Variants in PTP4A1 observed in about 807,000 individuals in gnomAD.
The protein encoded by PTP4A1 is protein tyrosine phosphatase type IVA 1.
A neutral mutation model predicts 20.5 loss-of-function variants in PTP4A1; 9 were observed. That is an observed-to-expected ratio of 0.44 (90% CI 0.26 to 0.77). The LOEUF (loss-of-function observed/expected upper bound fraction) is 0.77, where lower values mean the gene tolerates loss of function less well. PTP4A1 is among the 30% of genes least tolerant of loss of function. The probability of loss-of-function intolerance (pLI) is 0.19; values close to 1 mark genes in which losing one functional copy is unlikely to be tolerated. For synonymous variants in PTP4A1, 78 were observed against 67.4 expected, an observed-to-expected ratio of 1.16 and a Z score of -0.77; for missense variants, 137 against 218.8, an observed-to-expected ratio of 0.63 and a Z score of 2.36.
chr6:63,559,988 G>A (rs576078282), intron 3 of PTP4A1, among the ~76,000 whole-genome samples: 130 of 152,268 alleles, frequency 8.5e-4, no homozygotes, highest in Non-Finnish European at 1.6e-3. Flanking sequence ...ATATAATATT[G>A]TGGAAGATCA....
chr6:63,571,015 T>A (rs953560730), upstream of PTP4A1: 2 of 152,234 alleles, frequency 1.3e-5, no homozygotes, highest in Non-Finnish European at 2.9e-5. Context: ...TTTACTTTTT[T>A]AAATCATTTA....
In PTP4A1 at chr6:63,542,022, G is replaced by GGTGTGTGT. The variant is rs72091849; in HGVS notation, c.-639-8245_-639-8238dup. 5.2e-3 allele frequency among the ~76,000 whole-genome samples: 762 copies of GGTGTGTGT among 146,834 alleles called. 3 individuals carry two copies. Among genetic ancestry groups the GGTGTGTGT allele is most frequent in the East Asian group, 0.018 (92 of 5,002 alleles). ...CTCATTTGGTGGATAAAGAAACTGTGGTGTGTGTGTGTGTGTGTGTGTGTG... is the reference window on the plus strand; with the variant it reads ...CTCATTTGGTGGATAAAGAAACTGTGGTGTGTGTGTGTGTGTGTGTGTGTGTGTGTGTG... On this transcript the variant is annotated intron_variant, in intron 2 of 3. Transcript: ENST00000639568.
chr6:63,539,970 G>C (rs1307009507), intron 2 of PTP4A1, among the ~76,000 whole-genome samples: 1 of 152,178 alleles, frequency 6.6e-6, no homozygotes, highest in African/African-American at 2.4e-5. Flanking sequence ...GGAGGGTTTG[G>C]GGGTGGGAGT....
chr6:63,559,793 G>A (rs1452181141), intron 3 of PTP4A1, among the ~76,000 whole-genome samples: 3 of 151,996 alleles, frequency 2.0e-5, no homozygotes, highest in Non-Finnish European at 2.9e-5. Flanking sequence ...GGTCGTTCAT[G>A]CATATAATAC....
intron 2 of PTP4A1, among the ~76,000 whole-genome samples, chr6:63,540,348 C>CAATG (rs1430772637): frequency 6.6e-6 from 1 of 152,226 alleles, no homozygotes; most frequent in Admixed American, 6.5e-5. Context: ...AATCCAGGCA[C>CAATG]AATGGGTCAC....
chr6:63,525,041 G>A (rs1386736248), intron 1 of PTP4A1, among the ~76,000 whole-genome samples: 6 of 152,214 alleles, frequency 3.9e-5, no homozygotes, highest in Non-Finnish European at 8.8e-5. Flanking sequence ...CAGGGATTTA[G>A]CTTAGACAGA....
intron 3 of PTP4A1, among the ~76,000 whole-genome samples, chr6:63,557,952 C>T (rs539523388): frequency 6.6e-6 from 1 of 151,152 alleles, no homozygotes; most frequent in Non-Finnish European, 1.5e-5. Context: ...TGCAGGGGTG[C>T]GATCTCGGCT....
chr6:63,573,898 T>TG lies in PTP4A1; in HGVS notation c.-446+1180dup, dbSNP rs1338369022. Among the ~76,000 whole-genome samples the TG allele has an allele frequency of 1.6e-4, 25 of 152,186 alleles. 1 individual carries two copies. The highest frequency in any genetic ancestry group is 1.4e-3 in the Admixed American group (22 of 15,286). ...TGGATGGCGCCTTTTAATCGGGGAC[T>TG]GTTTAGAACTATCCCTGAGCTCTGT... is the stretch of plus-strand genomic sequence containing the variant. On this transcript the variant is annotated intron_variant, in intron 1 of 5. Coordinates refer to ENST00000626021, the MANE Select transcript of PTP4A1 (RefSeq NM_003463.5).
intron 2 of PTP4A1, among the ~76,000 whole-genome samples, chr6:63,533,555 T>C (rs1169351079): frequency 6.6e-6 from 1 of 152,238 alleles, no homozygotes; most frequent in African/African-American, 2.4e-5. Context: ...AACTATAGTA[T>C]GCGTTGTTTA....
In PTP4A1 at chr6:63,576,856, T is replaced by C; in HGVS notation, c.-25T>C. ...TTTTTTTAATTATTTCATAACCCTA[T>C]TGAGTGTTTTTTAACTAAATTAACA... On this transcript the variant is annotated 5_prime_UTR_variant, in exon 2 of 6. Coordinates refer to ENST00000626021, the MANE Select transcript of PTP4A1 (RefSeq NM_003463.5). 1 of 1,571,682 alleles carries C rather than the reference T, an allele frequency of 6.4e-7. No individual in the cohort carries two copies. Among genetic ancestry groups the C allele is most frequent in the Non-Finnish European group, 8.7e-7 (1 of 1,146,746 alleles).
upstream of PTP4A1, among the ~76,000 whole-genome samples, chr6:63,518,432 C>T (rs1774809126): frequency 6.6e-6 from 1 of 152,062 alleles, no homozygotes; most frequent in African/African-American, 2.4e-5. Context: ...TTTGGACATC[C>T]CCAGGGCAAA....
At chr6:63,548,025 G>A (rs1304496760) in intron 2 of PTP4A1, among the ~76,000 whole-genome samples, 3 of 151,900 alleles carry the variant, frequency 2.0e-5, no homozygotes, top group Non-Finnish European at 4.4e-5. Context: ...TTCCCTCTAG[G>A]GATTCCCTGT....
chr6:63,577,226 A>ATTTGCTTG (rs1263791222), intron 2 of PTP4A1, among the ~76,000 whole-genome samples: 30 of 152,348 alleles, frequency 2.0e-4, no homozygotes, highest in African/African-American at 7.0e-4. Context: ...TGGACAGTAA[A>ATTTGCTTG]ACAGTATAGC....
rs1357485853 is a variant in PTP4A1, at chr6:63,581,523, G to A, written c.*1349G>A. ...CAAAATGAATTGCACTTCACTTAAT[G>A]TGTGTCCTCATCTTTTTACAAATAA... On this transcript the variant is annotated 3_prime_UTR_variant, in exon 6 of 6. Coordinates refer to ENST00000626021, the MANE Select transcript of PTP4A1 (RefSeq NM_003463.5). 6.6e-6 allele frequency: 1 copy of A among 152,370 alleles called. No homozygotes were observed. The highest frequency in any genetic ancestry group is 1.5e-5 in the Non-Finnish European group (1 of 67,992). 9.4% of individuals were successfully genotyped at this position (152,370 alleles called of 1,614,324 possible).
chr6:63,548,891 C>T (rs903695795), intron 2 of PTP4A1: 102 of 846,474 alleles, frequency 1.2e-4, no homozygotes, highest in Non-Finnish European at 1.8e-4. Flanking sequence ...CTGAGTTAAC[C>T]TGTATGAAGG....
At position 63,532,768 on chromosome 6, in the gene PTP4A1, A is replaced by G. The variant is rs578060808; in HGVS notation, c.-640+4684A>G. Among the ~76,000 whole-genome samples the G allele has an allele frequency of 7.9e-5, 12 of 152,338 alleles. No individual in the cohort carries two copies. The East Asian group carries it at 1.9e-3, about 24-fold the overall frequency. On this transcript the variant is annotated intron_variant, in intron 2 of 3. Transcript: ENST00000639568. ...TTCCAAAAACACATGAGCATGTTCAATCAGTATCTAGGCCCCAAAAGATTG... is the reference window on the plus strand; with the variant it reads ...TTCCAAAAACACATGAGCATGTTCAGTCAGTATCTAGGCCCCAAAAGATTG...
intron 2 of PTP4A1, among the ~76,000 whole-genome samples, chr6:63,534,390 C>T (rs1185889816): frequency 6.6e-6 from 1 of 151,690 alleles, no homozygotes; most frequent in African/African-American, 2.4e-5. Context: ...ACTAGTAAAC[C>T]TGATACATTT....
At position 63,563,963 on chromosome 6, in the gene PTP4A1, G is replaced by A. The variant is rs541655565; in HGVS notation, c.-445-12473G>A. Among the ~76,000 whole-genome samples, 12 of 152,292 alleles carry A rather than the reference G, an allele frequency of 7.9e-5. No homozygotes were observed. In the South Asian group the frequency reaches 2.3e-3, roughly 29 times the overall value. ...ATTTACTATGTGCATTAATATGTCT[G>A]AGGATTAAAGAAATACATTATAGGA... On this transcript the variant is annotated intron_variant, in intron 3 of 3. Transcript: ENST00000639568.
chr6:63,538,538 A>G (rs1775814852), intron 2 of PTP4A1, among the ~76,000 whole-genome samples: 1 of 152,382 alleles, frequency 6.6e-6, no homozygotes, highest in South Asian at 2.1e-4. Context: ...TTGCATAAGC[A>G]ATAAATAATT....
Sources: allele counts gnomAD v4.1 joint callset (sites outside exome capture counted in the v4.1 genomes callset), GRCh38; gene constraint gnomAD v4.1.1; transcripts MANE v1.5; gene names NCBI Gene and HGNC (gene_info 2026-07-23, HGNC 2026-07-21).